Variants in NRG3 observed in about 807,000 individuals in gnomAD.
The protein encoded by NRG3 is pro-neuregulin-3, membrane-bound isoform.
Under a neutral mutation model 66.9 loss-of-function variants are expected in NRG3, and 31 were observed. That is an observed-to-expected ratio of 0.46 (90% CI 0.35 to 0.63). The LOEUF (loss-of-function observed/expected upper bound fraction) is 0.63, where lower values mean the gene tolerates loss of function less well. NRG3 is among the 20% of genes least tolerant of loss of function. NRG3 has a pLI of 0.00. For missense variants in NRG3, 910 were observed against 878.9 expected (o/e 1.04, Z -0.45); for synonymous variants, 393 against 359.4 (o/e 1.09, Z -1.06).
intron 1 of NRG3, among the ~76,000 whole-genome samples, chr10:82,002,770 A>C (rs1483447745): frequency 6.6e-6 from 1 of 152,218 alleles, no homozygotes; most frequent in Non-Finnish European, 1.5e-5. Flanking sequence ...CATAGATGCA[A>C]GAAAATAGTT....
intron 1 of NRG3, among the ~76,000 whole-genome samples, chr10:82,130,534 AT>A (rs558723388): frequency 1.3e-5 from 2 of 152,090 alleles, no homozygotes; most frequent in African/African-American, 4.8e-5. Flanking sequence ...TACTGATTTC[AT>A]TTTTTTGGGG....
chr10:82,567,964 TC>T (rs1187971228), intron 2 of NRG3, among the ~76,000 whole-genome samples: 2 of 151,932 alleles, frequency 1.3e-5, no homozygotes, highest in African/African-American at 4.8e-5. Flanking sequence ...AGCCTGGACA[TC>T]CTGGAGTGAG....
In NRG3 at chr10:82,958,915, G is replaced by A. The variant is rs1198406582; in HGVS notation, c.1158-34G>A. Reference sequence around the variant, plus strand: ...GAAAGTAGGAGTTGAATAAAGTCATGCAAATATTTGTACACGTTTATTTAT... The same window carrying A: ...GAAAGTAGGAGTTGAATAAAGTCATACAAATATTTGTACACGTTTATTTAT... On this transcript the variant is annotated intron_variant, in intron 5 of 8. Coordinates refer to ENST00000372141, the MANE Select transcript of NRG3 (RefSeq NM_001010848.4). 5.9e-6 allele frequency: 9 copies of A among 1,514,546 alleles called. No homozygotes were observed. The South Asian group carries it at 1.2e-4, about 21-fold the overall frequency. 93.8% of individuals were successfully genotyped at this position (1,514,546 alleles called of 1,614,324 possible).
chr10:82,029,701 G>A (rs752666699), intron 1 of NRG3, among the ~76,000 whole-genome samples: 1 of 152,104 alleles, frequency 6.6e-6, no homozygotes, highest in Non-Finnish European at 1.5e-5. Flanking sequence ...CATTGAGAAT[G>A]TTCTGATTTG....
At chr10:82,455,201 T>A (rs2091215001) in intron 2 of NRG3, among the ~76,000 whole-genome samples, 1 of 152,242 alleles carries the variant, frequency 6.6e-6, no homozygotes, top group South Asian at 2.1e-4. Flanking sequence ...TCATACATTA[T>A]TTAATGATGG....
At chr10:82,698,316 C>G (rs1242488279) in intron 2 of NRG3, among the ~76,000 whole-genome samples, 1 of 152,056 alleles carries the variant, frequency 6.6e-6, no homozygotes, top group East Asian at 1.9e-4. Flanking sequence ...TAGTGTAAAA[C>G]TGGTTAGTGT....
intron 3 of NRG3, among the ~76,000 whole-genome samples, chr10:82,815,686 G>A (rs1261291681): frequency 6.6e-6 from 1 of 152,076 alleles, no homozygotes; most frequent in African/African-American, 2.4e-5. Flanking sequence ...GGTTTCAGCT[G>A]GAAACCTCTG....
chr10:82,027,603 T>G (rs1589831255), intron 1 of NRG3, among the ~76,000 whole-genome samples: 1 of 152,266 alleles, frequency 6.6e-6, no homozygotes, highest in Admixed American at 6.5e-5. Context: ...GCTTGGATAT[T>G]GGTGTGCCCT....
chr10:82,035,711 G>T (rs936924508), intron 1 of NRG3, among the ~76,000 whole-genome samples: 5 of 151,942 alleles, frequency 3.3e-5, no homozygotes, highest in African/African-American at 1.2e-4. Context: ...GTTTTCCTCT[G>T]GATTGTTTTT....
chr10:82,568,849 T>G (rs2133092846), intron 2 of NRG3, among the ~76,000 whole-genome samples: 1 of 151,892 alleles, frequency 6.6e-6, no homozygotes, highest in Middle Eastern at 3.4e-3. Context: ...TTCACTTCAT[T>G]TTACCTTTGG....
At chr10:82,910,294 G>C (rs1845197716) in intron 4 of NRG3, among the ~76,000 whole-genome samples, 2 of 152,214 alleles carry the variant, frequency 1.3e-5, no homozygotes, top group African/African-American at 4.8e-5. Flanking sequence ...AGTCTATAAT[G>C]CTGATGTAAC....
intron 2 of NRG3, among the ~76,000 whole-genome samples, chr10:82,622,846 C>T (rs985202218): frequency 4.6e-5 from 7 of 152,160 alleles, no homozygotes; most frequent in East Asian, 3.9e-4. Flanking sequence ...TAGATGATTT[C>T]GCCCAACTAT....
At chr10:82,939,679 C>G (rs1233792286) in intron 4 of NRG3, among the ~76,000 whole-genome samples, 2 of 151,978 alleles carry the variant, frequency 1.3e-5, no homozygotes, top group Non-Finnish European at 2.9e-5. Flanking sequence ...TCGTGTTAGC[C>G]AGGATGGTCT....
intron 1 of NRG3, among the ~76,000 whole-genome samples, chr10:81,946,680 G>C (rs549211926): frequency 6.6e-6 from 1 of 152,246 alleles, no homozygotes; most frequent in South Asian, 2.1e-4. Flanking sequence ...ATGGGATTAT[G>C]CTCACAGGTT....
At chr10:82,479,021 C>T (rs559053683) in intron 2 of NRG3, among the ~76,000 whole-genome samples, 3 of 152,142 alleles carry the variant, frequency 2.0e-5, no homozygotes, top group Non-Finnish European at 4.4e-5. Flanking sequence ...TAGAAAGGCT[C>T]ATGGTGTAAA....
intron 2 of NRG3, among the ~76,000 whole-genome samples, chr10:82,550,647 A>G (rs1225194381): frequency 2.0e-5 from 3 of 152,162 alleles, no homozygotes; most frequent in South Asian, 2.1e-4. Flanking sequence ...GGGTTGTCCT[A>G]TGTAATTCAT....
intron 1 of NRG3, among the ~76,000 whole-genome samples, chr10:82,096,227 A>C (rs1229106789): frequency 1.3e-5 from 2 of 152,200 alleles, no homozygotes; most frequent in African/African-American, 4.8e-5. Context: ...CTGTAATCCC[A>C]GCACTTTGGG....
At chr10:82,702,691 GT>G (rs1207223088) in intron 2 of NRG3, among the ~76,000 whole-genome samples, 5 of 152,094 alleles carry the variant, frequency 3.3e-5, no homozygotes, top group Non-Finnish European at 7.4e-5. Flanking sequence ...TGTTGTTGTT[GT>G]TTTTTCTCAT....
chr10:82,803,485 G>A (rs2061140226), intron 3 of NRG3, among the ~76,000 whole-genome samples: 1 of 152,178 alleles, frequency 6.6e-6, no homozygotes, highest in Admixed American at 6.5e-5. Context: ...TTAAAAAAAT[G>A]TTAGTTCAAT....
Sources: allele counts gnomAD v4.1 joint callset (sites outside exome capture counted in the v4.1 genomes callset), GRCh38; gene constraint gnomAD v4.1.1; transcripts MANE v1.5; gene names NCBI Gene and HGNC (gene_info 2026-07-23, HGNC 2026-07-21).